Variants in COL6A5 observed in about 807,000 individuals in gnomAD.
The protein encoded by COL6A5 is collagen type VI alpha 5 chain.
COL6A5 carries 48 observed loss-of-function variants against 65.6 expected under a neutral mutation model. The ratio of observed to expected loss-of-function variants is 0.73; its 90% CI spans 0.58 to 0.93. COL6A5 has a LOEUF of 0.93. Among genes scored for constraint, COL6A5 ranks in the 40% least tolerant of loss-of-function variants. The pLI is 0.00. For synonymous variants in COL6A5, 291 were observed against 322.8 expected, an observed-to-expected ratio of 0.90 and a Z score of 1.05; for missense variants, 914 against 928.3, an observed-to-expected ratio of 0.98 and a Z score of 0.20.
chr3:130,397,095 C>G (rs999133742), intron 8 of COL6A5, among the ~76,000 whole-genome samples: 2 of 152,090 alleles, frequency 1.3e-5, no homozygotes, highest in Non-Finnish European at 2.9e-5. Context: ...TCTCGATCTC[C>G]TGACCTCATG....
chr3:130,361,579 G>A (rs891614009), intron 1 of COL6A5, among the ~76,000 whole-genome samples: 4 of 152,000 alleles, frequency 2.6e-5, no homozygotes, highest in Non-Finnish European at 4.4e-5. Flanking sequence ...AACTCATTTG[G>A]GTAAATACCA....
upstream of COL6A5, among the ~76,000 whole-genome samples, chr3:130,429,860 A>G (rs1354017271): frequency 6.6e-6 from 1 of 152,186 alleles, no homozygotes; most frequent in Non-Finnish European, 1.5e-5. Context: ...TTCAGTAAAC[A>G]TGGCTCTCTG....
At position 130,413,538 on chromosome 3, in the gene COL6A5, G is replaced by A; in HGVS notation, c.4663-7G>A. 1 of 1,548,394 alleles carries A rather than the reference G, an allele frequency of 6.5e-7. No individual in the cohort carries two copies. Among genetic ancestry groups the A allele is most frequent in the Admixed American group, 2.0e-5 (1 of 50,930 alleles). ...CACATACTAACAGTTTGCCTTTTCT[G>A]TCCCAGGGAAGAGAAGGTCAAAGGG... On this transcript the variant is annotated splice_polypyrimidine_tract_variant and splice_region_variant and intron_variant and NMD_transcript_variant, in intron 20 of 41. Coordinates refer to the COL6A5 transcript ENST00000312481.
intron 6 of COL6A5, among the ~76,000 whole-genome samples, chr3:130,470,369 T>A (rs1048958995): frequency 6.6e-6 from 1 of 151,978 alleles, no homozygotes; most frequent in Non-Finnish European, 1.5e-5. Context: ...TTTTCTGGCA[T>A]GCATAAAGCC....
chr3:130,368,986 G>C (rs1268406183), intron 1 of COL6A5, among the ~76,000 whole-genome samples: 1 of 152,184 alleles, frequency 6.6e-6, no homozygotes, highest in Non-Finnish European at 1.5e-5. Flanking sequence ...CATGGATGGT[G>C]CATTTGCAGC....
chr3:130,475,308 C>T (rs1308481285), intron 7 of COL6A5, among the ~76,000 whole-genome samples: 1 of 151,512 alleles, frequency 6.6e-6, no homozygotes, highest in Non-Finnish European at 1.5e-5. Flanking sequence ...AAAATTCAGA[C>T]ACATCATAAT....
intron 20 of COL6A5, among the ~76,000 whole-genome samples, chr3:130,411,539 G>C (rs1288888756): frequency 1.3e-5 from 2 of 152,114 alleles, no homozygotes; most frequent in African/African-American, 2.4e-5. Context: ...AAGGGGTTAG[G>C]CTTTCCAGTG....
At chr3:130,402,130 T>C (rs1205667952) in intron 12 of COL6A5, among the ~76,000 whole-genome samples, 1 of 152,076 alleles carries the variant, frequency 6.6e-6, no homozygotes, top group Non-Finnish European at 1.5e-5. Flanking sequence ...GTTTGAAAGG[T>C]GGTAAGAAGT....
At chr3:130,354,293 G>A (rs1934839435) in intron 1 of COL6A5, among the ~76,000 whole-genome samples, 1 of 152,072 alleles carries the variant, frequency 6.6e-6, no homozygotes, top group African/African-American at 2.4e-5. Flanking sequence ...GAACCTTAGC[G>A]GGAAAAGGAA....
At chr3:130,379,436 G>A (rs1219299537) in exon 4 of COL6A5, 2 of 1,550,944 alleles carry the variant, frequency 1.3e-6, no homozygotes, top group Non-Finnish European at 1.7e-6. Context: ...CCCATATCCT[G>A]TCAGAAAGAT....
At position 130,370,110 on chromosome 3, in the gene COL6A5, G is replaced by A. The variant is rs374257563; in HGVS notation, c.-28-3501G>A. On this transcript the variant is annotated intron_variant and NMD_transcript_variant, in intron 1 of 41. Coordinates refer to the COL6A5 transcript ENST00000312481. Reference sequence around the variant, plus strand: ...TCATTCATGCTACTCTCTACCTCAGGTCCTTCCATCATAGAATCACAGGAT... The same window carrying A: ...TCATTCATGCTACTCTCTACCTCAGATCCTTCCATCATAGAATCACAGGAT... Among the ~76,000 whole-genome samples, 16 of 152,168 alleles carry A rather than the reference G, an allele frequency of 1.1e-4. No homozygotes were observed. The East Asian group carries it at 3.1e-3, about 29-fold the overall frequency.
chr3:130,453,306 T>TG (rs1339460002), intron 4 of COL6A5, among the ~76,000 whole-genome samples: 1 of 152,160 alleles, frequency 6.6e-6, no homozygotes, highest in Non-Finnish European at 1.5e-5. Flanking sequence ...AGTATTAATT[T>TG]GGGGAACTAA....
At chr3:130,478,895 G>A (rs954845014) in intron 7 of COL6A5, among the ~76,000 whole-genome samples, 1 of 152,052 alleles carries the variant, frequency 6.6e-6, no homozygotes, top group African/African-American at 2.4e-5. Context: ...TGGAGTGAGG[G>A]TGATAGCAAT....
At chr3:130,421,853 T>G (rs1183600238) in intron 27 of COL6A5, among the ~76,000 whole-genome samples, 4 of 152,082 alleles carry the variant, frequency 2.6e-5, no homozygotes, top group African/African-American at 4.8e-5. Flanking sequence ...TCAAACATCT[T>G]CAAGAATTCC....
chr3:130,360,809 T>A (rs1363210534), intron 1 of COL6A5, among the ~76,000 whole-genome samples: 1 of 152,104 alleles, frequency 6.6e-6, no homozygotes, highest in Non-Finnish European at 1.5e-5. Context: ...TTTTGAGATA[T>A]AATTTATATA....
chr3:130,410,606 T>C, intron 20 of COL6A5, 82 bp downstream of exon 20: 1 of 1,221,352 alleles, frequency 8.2e-7, no homozygotes, highest in Middle Eastern at 1.9e-4. Flanking sequence ...TTGTGCACAG[T>C]TGGCTGATTC....
chr3:130,391,360 C>T, exon 7 of COL6A5: 2 of 1,551,688 alleles, frequency 1.3e-6, no homozygotes, highest in Non-Finnish European at 1.7e-6. Context: ...ACATCCTTTT[C>T]TACCTTAATA....
At chr3:130,383,340 T>C (rs1411537664) in intron 4 of COL6A5, among the ~76,000 whole-genome samples, 1 of 152,060 alleles carries the variant, frequency 6.6e-6, no homozygotes, top group African/African-American at 2.4e-5. Context: ...TAGTGGCTCG[T>C]GTATTGGATA....
intron 4 of COL6A5, among the ~76,000 whole-genome samples, chr3:130,450,618 C>T (rs1159702298): frequency 1.3e-5 from 2 of 152,146 alleles, no homozygotes; most frequent in African/African-American, 2.4e-5. Context: ...ATTTTACATT[C>T]GTGGTTTGCA....
Sources: allele counts gnomAD v4.1 joint callset (sites outside exome capture counted in the v4.1 genomes callset), GRCh38; gene constraint gnomAD v4.1.1; transcripts MANE v1.5; gene names NCBI Gene and HGNC (gene_info 2026-07-23, HGNC 2026-07-21).